The following SGCZ variants were observed in gnomAD, a reference collection of about 807,000 sequenced individuals.
The protein encoded by SGCZ is sarcoglycan zeta, also known as zeta-sarcoglycan.
In SGCZ, 40 loss-of-function variants were observed where a neutral mutation model predicts 41.3. That is an observed-to-expected ratio of 0.97 (90% CI 0.75 to 1.26). The LOEUF (loss-of-function observed/expected upper bound fraction) is 1.26, where lower values mean the gene tolerates loss of function less well. SGCZ is among the 50% of genes most tolerant of loss of function. The probability of loss-of-function intolerance (pLI) is 0.00; values close to 1 mark genes in which losing one functional copy is unlikely to be tolerated. For missense variants in SGCZ, 552 were observed against 369.8 expected, an observed-to-expected ratio of 1.49 and a Z score of -4.04; for synonymous variants, 206 against 137.5, an observed-to-expected ratio of 1.50 and a Z score of -3.49.
intron 6 of SGCZ, among the ~76,000 whole-genome samples, chr8:14,103,651 C>CT (rs61080809): frequency 0.29 from 43,856 of 150,912 alleles, 7,286 homozygotes; most frequent in East Asian, 0.76. Context: ...CTTCCATTTT[C>CT]TTTTTTTTTC....
In SGCZ at chr8:14,709,787, T is replaced by C. The variant is rs1809454599; in HGVS notation, c.40-154861A>G. On this transcript the variant is annotated intron_variant, in intron 1 of 7. Transcript: ENST00000382080. ...ATTGCAAGAGGAGTATATGGGGCTATATTTAAATGTAACTAACATTTATTG... is the reference window on the plus strand; with the variant it reads ...ATTGCAAGAGGAGTATATGGGGCTACATTTAAATGTAACTAACATTTATTG... 1.3e-5 allele frequency among the ~76,000 whole-genome samples: 2 copies of C among 152,312 alleles called. 1 individual carries two copies. The highest frequency in any genetic ancestry group is 6.8e-3 in the Middle Eastern group (2 of 294).
chr8:14,580,256 C>T (rs1217789343), intron 1 of SGCZ, among the ~76,000 whole-genome samples: 1 of 152,178 alleles, frequency 6.6e-6, no homozygotes, highest in Non-Finnish European at 1.5e-5. Flanking sequence ...TCTTAGCTAT[C>T]ACGATAATTT....
intron 4 of SGCZ, among the ~76,000 whole-genome samples, chr8:14,214,816 T>C (rs984056541): frequency 6.6e-6 from 1 of 152,018 alleles, no homozygotes; most frequent in Non-Finnish European, 1.5e-5. Flanking sequence ...TAAGATGACA[T>C]AGAAATCATA....
intron 3 of SGCZ, among the ~76,000 whole-genome samples, chr8:14,266,290 C>T (rs570686277): frequency 6.6e-6 from 1 of 152,074 alleles, no homozygotes; most frequent in Non-Finnish European, 1.5e-5. Flanking sequence ...AGGCATGTTC[C>T]TTTTCATTCA....
chr8:14,454,202 G>C (rs552492525), intron 2 of SGCZ, among the ~76,000 whole-genome samples: 2 of 152,098 alleles, frequency 1.3e-5, no homozygotes, highest in South Asian at 2.1e-4. Flanking sequence ...CTAATATGTA[G>C]GTTAAGAAGG....
At chr8:14,238,159 T>A (rs1014309652) in intron 3 of SGCZ, among the ~76,000 whole-genome samples, 1 of 152,248 alleles carries the variant, frequency 6.6e-6, no homozygotes, top group Non-Finnish European at 1.5e-5. Context: ...CCATTTAGTT[T>A]GTTTAAAGCA....
intron 2 of SGCZ, among the ~76,000 whole-genome samples, chr8:14,489,667 C>A (rs1473641472): frequency 6.6e-6 from 1 of 151,422 alleles, no homozygotes; most frequent in African/African-American, 2.4e-5. Context: ...TGGCATATTT[C>A]TTTCTTATAT....
At chr8:14,107,964 G>T (rs898698064) in intron 6 of SGCZ, among the ~76,000 whole-genome samples, 199 bp downstream of exon 6, 17 of 151,906 alleles carry the variant, frequency 1.1e-4, no homozygotes, top group Admixed American at 2.6e-4. Flanking sequence ...GTTTTTATTA[G>T]TTCTTCTCAC....
chr8:14,132,256 A>T (rs927390039), intron 5 of SGCZ, among the ~76,000 whole-genome samples: 43 of 152,018 alleles, frequency 2.8e-4, no homozygotes, highest in African/African-American at 9.4e-4. Flanking sequence ...TATATGTTCT[A>T]TTTCAATTAT....
intron 1 of SGCZ, among the ~76,000 whole-genome samples, chr8:14,601,657 C>T (rs1190139329): frequency 2.0e-5 from 3 of 152,074 alleles, no homozygotes; most frequent in African/African-American, 7.2e-5. Context: ...ATTATCTTTC[C>T]TTATTGGTAG....
intron 1 of SGCZ, among the ~76,000 whole-genome samples, chr8:14,767,131 G>C (rs996610434): frequency 1.3e-5 from 2 of 151,902 alleles, no homozygotes; most frequent in African/African-American, 2.4e-5. Flanking sequence ...ATTCAGAATC[G>C]GGGCTAGGCT....
intron 2 of SGCZ, among the ~76,000 whole-genome samples, chr8:14,505,747 A>G (rs1330680110): frequency 6.6e-6 from 1 of 152,134 alleles, no homozygotes; most frequent in Non-Finnish European, 1.5e-5. Flanking sequence ...GACCCTTAGT[A>G]TTTCCAGACA....
At chr8:14,265,451 C>T (rs1190233340) in intron 3 of SGCZ, among the ~76,000 whole-genome samples, 1 of 152,114 alleles carries the variant, frequency 6.6e-6, no homozygotes, top group African/African-American at 2.4e-5. Context: ...GTGATGCTAA[C>T]ATCATTCTTG....
chr8:15,180,730 A>C (rs1800147687), intron 1 of SGCZ, among the ~76,000 whole-genome samples: 1 of 151,622 alleles, frequency 6.6e-6, no homozygotes, highest in Non-Finnish European at 1.5e-5. Flanking sequence ...TTAAAAATAC[A>C]AACAAAATTA....
intron 1 of SGCZ, among the ~76,000 whole-genome samples, chr8:15,075,724 C>T (rs1371934329): frequency 2.0e-5 from 3 of 152,112 alleles, no homozygotes. Context: ...AGTAATTACA[C>T]AAAATGCCTT....
At chr8:14,132,622 T>C (rs958736989) in intron 5 of SGCZ, among the ~76,000 whole-genome samples, 5 of 152,210 alleles carry the variant, frequency 3.3e-5, no homozygotes, top group Non-Finnish European at 5.9e-5. Context: ...CTTGAACATA[T>C]TTTAAATCGC....
At chr8:15,147,048 G>T (rs1799054528) in intron 1 of SGCZ, among the ~76,000 whole-genome samples, 1 of 152,132 alleles carries the variant, frequency 6.6e-6, no homozygotes, top group Admixed American at 6.6e-5. Context: ...AGGTCATCAT[G>T]AAATTACCTT....
intron 4 of SGCZ, among the ~76,000 whole-genome samples, chr8:14,191,379 T>C (rs1022403984): frequency 3.9e-5 from 6 of 152,210 alleles, no homozygotes; most frequent in African/African-American, 1.4e-4. Flanking sequence ...GCCTGCGCCA[T>C]ATGACACTAT....
At chr8:14,363,809 C>T (rs1252020548) in intron 2 of SGCZ, among the ~76,000 whole-genome samples, 1 of 152,204 alleles carries the variant, frequency 6.6e-6, no homozygotes, top group Admixed American at 6.5e-5. Flanking sequence ...TTATCTAACA[C>T]TCTCATTTCA....
Sources: gnomAD v4.1 joint callset for allele counts (sites outside exome capture counted in the v4.1 genomes callset) on GRCh38, gnomAD v4.1.1 for gene constraint, MANE v1.5 for transcripts, NCBI Gene and HGNC (gene_info 2026-07-23, HGNC 2026-07-21) for gene names.